Variants in PRKN observed in about 807,000 individuals in gnomAD.
The protein encoded by PRKN is E3 ubiquitin-protein ligase parkin.
A neutral mutation model predicts 59.5 loss-of-function variants in PRKN; 56 were observed. That is an observed-to-expected ratio of 0.94 (90% CI 0.76 to 1.18). The LOEUF is 1.18. Among genes scored for constraint, PRKN ranks in the 50% most tolerant of loss-of-function variants. PRKN has a pLI of 0.00. For synonymous variants in PRKN, 250 were observed against 222.1 expected (o/e 1.13, Z -1.12); for missense variants, 657 against 596.4 (o/e 1.10, Z -1.06).
chr6:162,516,013 G>T (rs1777838430), intron 1 of PRKN, among the ~76,000 whole-genome samples: 1 of 152,178 alleles, frequency 6.6e-6, no homozygotes, highest in African/African-American at 2.4e-5. Context: ...GCAGTGGAGG[G>T]TGTTTCTTAC....
intron 9 of PRKN, among the ~76,000 whole-genome samples, chr6:161,524,360 T>A (rs1273014534): frequency 6.6e-6 from 1 of 152,160 alleles, no homozygotes; most frequent in Non-Finnish European, 1.5e-5. Context: ...TTTTTATTTT[T>A]CCAGAGACAG....
At chr6:162,403,618 C>G (rs544554469) in intron 2 of PRKN, among the ~76,000 whole-genome samples, 1 of 152,088 alleles carries the variant, frequency 6.6e-6, no homozygotes, top group African/African-American at 2.4e-5. Flanking sequence ...CAGCCTGACA[C>G]AGGTGTCAGA....
intron 4 of PRKN, among the ~76,000 whole-genome samples, chr6:162,195,801 A>T (rs1562572817): frequency 6.6e-6 from 1 of 152,194 alleles, no homozygotes; most frequent in African/African-American, 2.4e-5. Context: ...AATGGTGGAT[A>T]ACTCTGGTTA....
intron 4 of PRKN, among the ~76,000 whole-genome samples, chr6:162,145,814 T>C (rs1782000866): frequency 6.6e-6 from 1 of 152,112 alleles, no homozygotes; most frequent in East Asian, 1.9e-4. Flanking sequence ...GTCATACTCC[T>C]AAACAAACAT....
In PRKN at chr6:161,434,883, G is replaced by A. The variant is rs73606961; in HGVS notation, c.1084-48006C>T. Among the ~76,000 whole-genome samples, 870 of 152,210 alleles carry A rather than the reference G, an allele frequency of 5.7e-3. 12 individuals carry two copies. Among genetic ancestry groups the A allele is most frequent in the African/African-American group, 0.02 (838 of 41,504 alleles). On this transcript the variant is annotated intron_variant, in intron 9 of 11. Transcript: ENST00000366898. ...CAAAAAAAGACCACAAGTTTGGCGC[G>A]GAAAAACACCAAGGGTAACGTAGCA...
At chr6:162,503,918 G>C (rs1793492722) in intron 1 of PRKN, among the ~76,000 whole-genome samples, 1 of 152,188 alleles carries the variant, frequency 6.6e-6, no homozygotes, top group Admixed American at 6.5e-5. Flanking sequence ...CCGTGCAAAA[G>C]AAATCTGAAT....
chr6:161,773,751 T>C (rs908322553), intron 7 of PRKN, among the ~76,000 whole-genome samples: 1 of 152,242 alleles, frequency 6.6e-6, no homozygotes, highest in African/African-American at 2.4e-5. Flanking sequence ...TTCTCTCTGC[T>C]ATTCAGAACA....
chr6:162,167,271 CA>C (rs1360041254), intron 4 of PRKN, among the ~76,000 whole-genome samples: 13 of 152,170 alleles, frequency 8.5e-5, no homozygotes, highest in Non-Finnish European at 1.3e-4. Context: ...GTTGGCATCA[CA>C]AAACTATTGT....
chr6:161,697,980 C>A (rs1786091587), intron 7 of PRKN, among the ~76,000 whole-genome samples: 1 of 151,992 alleles, frequency 6.6e-6, no homozygotes, highest in South Asian at 2.1e-4. Flanking sequence ...CTTTTCATGT[C>A]TTGGATTAAT....
At chr6:161,719,171 A>G (rs538383047) in intron 7 of PRKN, among the ~76,000 whole-genome samples, 1 of 152,276 alleles carries the variant, frequency 6.6e-6, no homozygotes, top group African/African-American at 2.4e-5. Context: ...AACATTCTCG[A>G]GTCTCTCCTT....
At chr6:162,536,849 A>G (rs1022204144) in intron 1 of PRKN, among the ~76,000 whole-genome samples, 1 of 152,330 alleles carries the variant, frequency 6.6e-6, no homozygotes, top group East Asian at 1.9e-4. Flanking sequence ...GCTGAAGTAT[A>G]ACACAGCATG....
rs1779895950 is a variant in PRKN, at chr6:161,548,975, T to C, written c.962A>G (p.Glu321Gly). The change falls in exon 9 of 12, where the codon GAG becomes GGG. Residue 321 changes from glutamate (E) to glycine (G), a missense_variant. Physicochemically the swap from Glu to Gly is moderately conservative, Grantham distance 98. Coordinates refer to ENST00000366898, the MANE Select transcript of PRKN (RefSeq NM_004562.3). This position sits in a 1 kb window ranked among gnomAD's most constrained non-coding sequence, Gnocchi z 4.2. ...GCCCCCCATCTGCAGGACACACTCC[T>C]CTGCACCATACTGCTGGTACCGGTT... is the stretch of plus-strand genomic sequence containing the variant. ...QYNRYQQYGA[E>G]ECVLQMGGVL... is the part of the protein sequence containing the mutation. 6.2e-7 allele frequency: 1 copy of C among 1,614,054 alleles called. No individual in the cohort carries two copies. Among genetic ancestry groups the C allele is most frequent in the Admixed American group, 1.7e-5 (1 of 60,004 alleles).
In PRKN at chr6:161,502,603, A is replaced by C. The variant is rs1778002566; in HGVS notation, c.1083+46251T>G. Among the ~76,000 whole-genome samples the C allele has an allele frequency of 6.6e-6, 1 of 152,144 alleles. No individual in the cohort carries two copies. Among genetic ancestry groups the C allele is most frequent in the African/African-American group, 2.4e-5 (1 of 41,436 alleles). On this transcript the variant is annotated intron_variant, in intron 9 of 11. Transcript: ENST00000366898. The surrounding 1 kb of genome is among the most constrained non-coding windows in gnomAD (Gnocchi z 4.0). ...GGATGAGGATAGTAAGAGTATCCTG[A>C]AGGAGGGGACCAGTAACAAGCAGGG...
intron 6 of PRKN, among the ~76,000 whole-genome samples, chr6:161,958,880 C>CAA (rs35807437): frequency 1.0e-4 from 13 of 124,566 alleles, no homozygotes; most frequent in African/African-American, 4.1e-4. Flanking sequence ...AACTCCATCT[C>CAA]AAAAAAAAAA....
chr6:162,172,780 A>T (rs74674958), intron 4 of PRKN, among the ~76,000 whole-genome samples: 1,610 of 152,210 alleles, frequency 0.011, 27 homozygotes, highest in African/African-American at 0.037. Context: ...GAATCAGAAA[A>T]ACCAAAGGAA....
chr6:162,414,603 C>T (rs1326255179), intron 2 of PRKN, among the ~76,000 whole-genome samples: 5 of 150,698 alleles, frequency 3.3e-5, no homozygotes, highest in Admixed American at 6.6e-5. Flanking sequence ...CCCAGCTACT[C>T]GGGAGGCTGA....
intron 9 of PRKN, among the ~76,000 whole-genome samples, chr6:161,514,943 C>G (rs890096630): frequency 2.0e-5 from 3 of 152,012 alleles, no homozygotes; most frequent in Non-Finnish European, 2.9e-5. Context: ...TCTCAAGCAG[C>G]ACTGAACTTT....
intron 1 of PRKN, among the ~76,000 whole-genome samples, chr6:162,492,056 T>A (rs573158623): frequency 6.6e-6 from 1 of 152,308 alleles, no homozygotes; most frequent in African/African-American, 2.4e-5. Flanking sequence ...AAGATGGTCC[T>A]GCTTCTGAAC....
At chr6:162,575,262 T>A (rs2128209813) in intron 1 of PRKN, among the ~76,000 whole-genome samples, 1 of 152,290 alleles carries the variant, frequency 6.6e-6, no homozygotes, top group South Asian at 2.1e-4. Context: ...CCTACTGTGT[T>A]CTTCACCTCT....
Sources: allele counts gnomAD v4.1 joint callset (sites outside exome capture counted in the v4.1 genomes callset), GRCh38; gene constraint gnomAD v4.1.1; non-coding constraint Gnocchi (gnomAD v3.1); transcripts MANE v1.5; gene names NCBI Gene and HGNC (gene_info 2026-07-23, HGNC 2026-07-21).